FRMD4B: variants seen among roughly 807,000 people sequenced by gnomAD.
The protein encoded by FRMD4B is FERM domain containing 4B.
FRMD4B carries 74 observed loss-of-function variants against 141.5 expected under a neutral mutation model. That is an observed-to-expected ratio of 0.52 (90% confidence interval 0.43 to 0.63). The LOEUF (loss-of-function observed/expected upper bound fraction) is 0.63, where lower values mean the gene tolerates loss of function less well. FRMD4B is among the 30% of genes least tolerant of loss of function. The pLI is 0.00. For missense variants in FRMD4B, 1,366 were observed against 1,253.4 expected (o/e 1.09, Z -1.36); for synonymous variants, 506 against 467.9 (o/e 1.08, Z -1.05).
intron 1 of FRMD4B, among the ~76,000 whole-genome samples, chr3:69,480,080 G>A (rs1276600941): frequency 2.0e-5 from 3 of 152,110 alleles, no homozygotes; most frequent in Non-Finnish European, 4.4e-5. Context: ...GCACTTCTCT[G>A]TATTGGTTAT....
At chr3:69,393,748 C>A (rs1036027809) in intron 2 of FRMD4B, among the ~76,000 whole-genome samples, 5 of 152,050 alleles carry the variant, frequency 3.3e-5, no homozygotes, top group Admixed American at 2.6e-4. Flanking sequence ...GTCTATATAG[C>A]ACCATTATTT....
chr3:69,191,491 T>C (rs2092837087), intron 17 of FRMD4B, among the ~76,000 whole-genome samples: 1 of 152,200 alleles, frequency 6.6e-6, no homozygotes, highest in Non-Finnish European at 1.5e-5. Flanking sequence ...GATGTGTTGA[T>C]CTGCATTTGC....
At chr3:69,454,897 G>C (rs755987311) in intron 1 of FRMD4B, among the ~76,000 whole-genome samples, 6 of 152,246 alleles carry the variant, frequency 3.9e-5, no homozygotes, top group African/African-American at 1.4e-4. Context: ...CTCCTAAATC[G>C]GGTGGGGACT....
At chr3:69,360,213 TC>T (rs1309952929) in intron 1 of FRMD4B, among the ~76,000 whole-genome samples, 1 of 152,188 alleles carries the variant, frequency 6.6e-6, no homozygotes, top group Non-Finnish European at 1.5e-5. Context: ...CTCCCATTTT[TC>T]CACCTAGTTT....
chr3:69,502,426 T>C (rs1167164779), intron 1 of FRMD4B, among the ~76,000 whole-genome samples: 1 of 152,104 alleles, frequency 6.6e-6, no homozygotes, highest in Non-Finnish European at 1.5e-5. Context: ...AAACAAGCAA[T>C]GGGGAAAGGA....
chr3:69,338,279 G>A (rs914392257), intron 1 of FRMD4B, among the ~76,000 whole-genome samples: 13 of 152,270 alleles, frequency 8.5e-5, no homozygotes, highest in East Asian at 3.9e-4. Context: ...GATGCAGAAC[G>A]GGGAACATCA....
chr3:69,361,786 T>C (rs1703477516), intron 1 of FRMD4B, among the ~76,000 whole-genome samples: 1 of 152,214 alleles, frequency 6.6e-6, no homozygotes, highest in African/African-American at 2.4e-5. Context: ...TTGGGGGTAT[T>C]AGAAGTTATA....
chr3:69,285,624 A>G (rs1575692612), intron 5 of FRMD4B, among the ~76,000 whole-genome samples: 1 of 152,122 alleles, frequency 6.6e-6, no homozygotes, highest in African/African-American at 2.4e-5. Context: ...CAGGTGGATC[A>G]CCTGAGGTCA....
intron 1 of FRMD4B, among the ~76,000 whole-genome samples, chr3:69,516,365 A>T (rs1160961534): frequency 6.6e-6 from 1 of 152,182 alleles, no homozygotes. Flanking sequence ...GGTGAGCCCA[A>T]TGTAATAATA....
chr3:69,288,610 A>G lies in FRMD4B; in HGVS notation c.417-774T>C, dbSNP rs1021060816. On this transcript the variant is annotated intron_variant, in intron 4 of 22. Transcript: ENST00000398540. ...AACAACTCTGTTTTCATAATCCTGT[A>G]CTGATGAGGCCGGCTTGCAAAGGCT... Among the ~76,000 whole-genome samples the G allele has an allele frequency of 5.3e-5, 8 of 152,268 alleles. No homozygotes were observed. In the Middle Eastern group the frequency reaches 0.01, roughly 194 times the overall value.
chr3:69,321,040 C>T (rs949318318), intron 1 of FRMD4B: 2 of 152,262 alleles, frequency 1.3e-5, no homozygotes, highest in East Asian at 3.9e-4. Flanking sequence ...ATAAGCCAGA[C>T]CTCTGGTTTC....
At chr3:69,284,213 A>G (rs2093657078) in intron 5 of FRMD4B, among the ~76,000 whole-genome samples, 1 of 152,264 alleles carries the variant, frequency 6.6e-6, no homozygotes, top group Non-Finnish European at 1.5e-5. Context: ...TTTGCAGAAC[A>G]GTCTGCCAGA....
At chr3:69,354,349 A>T (rs747643624) in intron 1 of FRMD4B, among the ~76,000 whole-genome samples, 82 of 152,224 alleles carry the variant, frequency 5.4e-4, no homozygotes, top group East Asian at 1.2e-3. Flanking sequence ...TACTTTTTTT[A>T]AAAAAAGAGA....
chr3:69,531,645 A>C (rs1431966377), intron 1 of FRMD4B, among the ~76,000 whole-genome samples: 7 of 152,242 alleles, frequency 4.6e-5, no homozygotes, highest in Non-Finnish European at 1.0e-4. Context: ...TCTATCGAAT[A>C]GCATGAACCT....
At chr3:69,340,911 A>T (rs1214761525) in intron 1 of FRMD4B, among the ~76,000 whole-genome samples, 2 of 152,192 alleles carry the variant, frequency 1.3e-5, no homozygotes, top group Admixed American at 6.5e-5. Context: ...AAAAGAGGCT[A>T]CGCAATAAAA....
At chr3:69,264,304 T>C (rs190255137) in intron 5 of FRMD4B, among the ~76,000 whole-genome samples, 17 of 152,318 alleles carry the variant, frequency 1.1e-4, no homozygotes, top group Non-Finnish European at 1.5e-5. Context: ...TTGTTATCTG[T>C]TTTTGCCACA....
At chr3:69,353,480 A>G in intron 1 of FRMD4B, 1 of 689,222 alleles carries the variant, frequency 1.5e-6, no homozygotes, top group Non-Finnish European at 1.8e-6. Context: ...AATGCCAGTC[A>G]AAGCTGAAGA....
At chr3:69,455,135 A>AT (rs2106900928) in intron 1 of FRMD4B, among the ~76,000 whole-genome samples, 1 of 152,284 alleles carries the variant, frequency 6.6e-6, no homozygotes, top group South Asian at 2.1e-4. Context: ...AAATGGACCA[A>AT]TCAGCTCTCT....
intron 1 of FRMD4B, among the ~76,000 whole-genome samples, chr3:69,440,722 C>T (rs539194686): frequency 1.4e-4 from 22 of 152,252 alleles, no homozygotes; most frequent in African/African-American, 4.6e-4. Flanking sequence ...GCACAAGAAT[C>T]GCTTGAACCT....
Sources: allele counts gnomAD v4.1 joint callset (sites outside exome capture counted in the v4.1 genomes callset), GRCh38; gene constraint gnomAD v4.1.1; transcripts MANE v1.5; gene names NCBI Gene and HGNC (gene_info 2026-07-23, HGNC 2026-07-21).